The following LRP2 variants were observed in gnomAD, a reference collection of about 807,000 sequenced individuals.
LRP2 encodes the protein low-density lipoprotein receptor-related protein 2.
LRP2 carries 172 observed loss-of-function variants against 531.0 expected under a neutral mutation model. The ratio of observed to expected loss-of-function variants is 0.32; its 90% CI spans 0.29 to 0.37. LRP2 has a LOEUF of 0.37. Among genes scored for constraint, LRP2 ranks in the 10% least tolerant of loss-of-function variants. The pLI is 1.00. For synonymous variants in LRP2, 1,992 were observed against 2,027.6 expected (o/e 0.98, Z 0.47); for missense variants, 5,167 against 5,868.3 (o/e 0.88, Z 3.90).
intron 53 of LRP2, among the ~76,000 whole-genome samples, chr2:169,176,801 T>C (rs909885022): frequency 1.3e-5 from 2 of 152,212 alleles, no homozygotes; most frequent in Non-Finnish European, 2.9e-5. Context: ...ATTTATATGC[T>C]ACCAGAAGTG....
In LRP2 at chr2:169,270,929, A is replaced by T; in HGVS notation, c.2295T>A (p.Ile765=). Residue 765 remains isoleucine, a synonymous_variant, in exon 16 of 79, where the codon ATT becomes ATA. Transcript: ENST00000649046. The stretch of plus-strand genomic sequence containing the variant: ...CTGTGCCATCAATCTTTTGCTTAAA[A>T]ATCATGTGTTTTGACATATCTGAAA... ...IFFSDMSKHM[I]FKQKIDGTGR... is the part of the protein sequence containing the mutation. 6.2e-7 allele frequency: 1 copy of T among 1,613,234 alleles called. No individual in the cohort carries two copies.
intron 24 of LRP2, among the ~76,000 whole-genome samples, chr2:169,241,681 A>G (rs1387309894): frequency 1.3e-5 from 2 of 152,188 alleles, no homozygotes; most frequent in Non-Finnish European, 2.9e-5. Flanking sequence ...CCAATTGCAG[A>G]TTCAATAATA....
At chr2:169,304,597 G>A (rs1442893171) in intron 4 of LRP2, among the ~76,000 whole-genome samples, 1 of 152,110 alleles carries the variant, frequency 6.6e-6, no homozygotes, top group Non-Finnish European at 1.5e-5. Flanking sequence ...AGCACTGAAA[G>A]GAGAATCTTT....
At chr2:169,133,903 C>T (rs546624034) in intron 76 of LRP2, among the ~76,000 whole-genome samples, 3 of 152,308 alleles carry the variant, frequency 2.0e-5, no homozygotes, top group Middle Eastern at 3.4e-3. Context: ...GGCTGTACTG[C>T]TGCAAAGCTT....
At position 169,257,228 on chromosome 2, in the gene LRP2, C is replaced by G; in HGVS notation, c.2535G>C (p.Trp845Cys). The G allele has an allele frequency of 6.2e-7, 1 of 1,612,692 alleles. No homozygotes were observed. The highest frequency in any genetic ancestry group is 8.5e-7 in the Non-Finnish European group (1 of 1,179,080). The stretch of plus-strand genomic sequence containing the variant: ...CTCTCATAATTTTAGCAGGACGGAA[C>G]CAATCAGTGAAGAATAGATACCTAG... The part of the protein sequence containing the change: ...PFAGYLFFTD[W>C]FRPAKIMRAW... The change falls in exon 18 of 79, where the codon TGG (tryptophan) becomes TGC (cysteine). Residue 845 changes from tryptophan (W) to cysteine (C), a missense_variant. Trp to Cys is a radical substitution (Grantham distance 215, BLOSUM62 -2). Around this residue, in one of 6 missense-constraint regions of LRP2, gnomAD observed 2,811 missense variants for 3,058.0 expected, o/e 0.92. Coordinates refer to ENST00000649046, the MANE Select transcript of LRP2 (RefSeq NM_004525.3).
At chr2:169,333,883 C>G (rs1011339019) in intron 1 of LRP2, among the ~76,000 whole-genome samples, 1 of 152,198 alleles carries the variant, frequency 6.6e-6, no homozygotes, top group Admixed American at 6.5e-5. Context: ...CTCCAAACCA[C>G]TTTCAGGCTC....
chr2:169,268,475 T>C (rs1683298932), intron 16 of LRP2, among the ~76,000 whole-genome samples: 1 of 152,134 alleles, frequency 6.6e-6, no homozygotes, highest in South Asian at 2.1e-4. Flanking sequence ...ATAAACGTAA[T>C]CCAGCATATA....
chr2:169,240,364 A>G (rs773267067), intron 25 of LRP2, among the ~76,000 whole-genome samples: 3 of 152,230 alleles, frequency 2.0e-5, no homozygotes, highest in Non-Finnish European at 4.4e-5. Context: ...TTCTATTTCC[A>G]TGTGTACTCT....
At chr2:169,229,686 T>A (rs1689331460) in intron 31 of LRP2, among the ~76,000 whole-genome samples, 1 of 152,340 alleles carries the variant, frequency 6.6e-6, no homozygotes, top group South Asian at 2.1e-4. Context: ...TAGAACCATC[T>A]CATAATTCCC....
rs1689947240 is a variant in LRP2, at chr2:169,244,887, C to T, written c.3236G>A (p.Cys1079Tyr). 1 of 1,614,140 alleles carries T rather than the reference C, an allele frequency of 6.2e-7. No individual in the cohort carries two copies. The highest frequency in any genetic ancestry group is 1.7e-5 in the Admixed American group (1 of 60,018). Residue 1079 changes from cysteine to tyrosine, a missense_variant, in exon 22 of 79, where the codon TGC (cysteine) becomes TAC (tyrosine). Around this residue, in one of 6 missense-constraint regions of LRP2, gnomAD observed 2,811 missense variants for 3,058.0 expected, o/e 0.92. Transcript: ENST00000649046. ...SSAFTCGHGE[C>Y]IPAHWRCDKR... The stretch of plus-strand genomic sequence containing the variant: ...GTCACAGCGCCAGTGTGCAGGAATG[C>T]ACTCCCCATGGCCACAGGTGAACGC...
intron 61 of LRP2, among the ~76,000 whole-genome samples, chr2:169,167,544 C>A (rs1367430934): frequency 6.6e-6 from 1 of 152,154 alleles, no homozygotes; most frequent in Non-Finnish European, 1.5e-5. Context: ...AATTTTCCCA[C>A]AAAATTAAGG....
intron 9 of LRP2, among the ~76,000 whole-genome samples, chr2:169,284,401 A>G (rs1055366423): frequency 1.8e-4 from 27 of 150,576 alleles, no homozygotes; most frequent in Non-Finnish European, 3.0e-5. Flanking sequence ...AGTAGCTGGA[A>G]CTACAGGTGT....
chr2:169,209,382 G>A, intron 38 of LRP2, 71 bp downstream of exon 38: 2 of 1,495,112 alleles, frequency 1.3e-6, no homozygotes, highest in Non-Finnish European at 1.9e-6. Context: ...ATGGAGTTAG[G>A]CTAAACTTTC....
chr2:169,231,110 A>G (rs1338910350), intron 31 of LRP2, among the ~76,000 whole-genome samples: 2 of 152,158 alleles, frequency 1.3e-5, no homozygotes, highest in Non-Finnish European at 1.5e-5. Context: ...CCTGGGCAAC[A>G]TGGCAAAACC....
chr2:169,354,197 G>A (rs1023335369), intron 1 of LRP2, among the ~76,000 whole-genome samples: 3 of 152,042 alleles, frequency 2.0e-5, no homozygotes, highest in Non-Finnish European at 2.9e-5. Flanking sequence ...TTTCCTTTTC[G>A]TCTTTTTCAG....
intron 3 of LRP2, among the ~76,000 whole-genome samples, chr2:169,313,196 CCTT>C (rs1220538470): frequency 6.6e-6 from 1 of 152,174 alleles, no homozygotes; most frequent in Non-Finnish European, 1.5e-5. Context: ...TCGTCTGAAG[CCTT>C]CTTCTCTCAA....
intron 50 of LRP2, among the ~76,000 whole-genome samples, chr2:169,184,984 C>T (rs1274986504): frequency 1.3e-5 from 2 of 152,132 alleles, no homozygotes; most frequent in African/African-American, 4.8e-5. Flanking sequence ...TGGTCTTGAA[C>T]TTCTGGGCTC....
chr2:169,306,450 C>T (rs1046605355), intron 4 of LRP2, among the ~76,000 whole-genome samples: 1 of 152,180 alleles, frequency 6.6e-6, no homozygotes, highest in Non-Finnish European at 1.5e-5. Flanking sequence ...AGGAGAATCG[C>T]TTGAACCTGG....
chr2:169,170,761 A>C (rs1574092985), intron 58 of LRP2, 94 bp from the exon 59 acceptor site: 1 of 873,572 alleles, frequency 1.1e-6, no homozygotes, highest in East Asian at 2.4e-5. Context: ...GGTGCCCAGC[A>C]CCCTCCTGTG....
Sources: allele counts gnomAD v4.1 joint callset (sites outside exome capture counted in the v4.1 genomes callset), GRCh38; gene constraint gnomAD v4.1.1; regional missense constraint gnomAD v4.1.1; transcripts MANE v1.5; gene names NCBI Gene and HGNC (gene_info 2026-07-23, HGNC 2026-07-21).